The following MAST2 variants were observed in gnomAD, a reference collection of about 807,000 sequenced individuals.
MAST2 encodes microtubule associated serine/threonine kinase 2.
Under a neutral mutation model 147.4 loss-of-function variants are expected in MAST2, and 70 were observed. The observed-to-expected ratio is 0.47, with a 90% confidence interval of 0.39 to 0.58. MAST2 has a LOEUF of 0.58. Ranked by LOEUF, MAST2 falls within the 20% of genes least tolerant of loss-of-function variation. The pLI is 0.00. For missense variants in MAST2, 2,080 were observed against 2,302.3 expected (o/e 0.90, Z 1.98); for synonymous variants, 869 against 896.8 (o/e 0.97, Z 0.55).
chr1:45,820,395 AT>A (rs969257275), intron 1 of MAST2, among the ~76,000 whole-genome samples: 3 of 151,518 alleles, frequency 2.0e-5, no homozygotes, highest in South Asian at 4.2e-4. Flanking sequence ...GTTTTTTAGA[AT>A]TTTTTTTTGG....
At chr1:45,961,986 G>T in intron 5 of MAST2, among the ~76,000 whole-genome samples, 1 of 147,156 alleles carries the variant, frequency 6.8e-6, no homozygotes. Flanking sequence ...TGTTCTCATT[G>T]TTCAGTTCCC....
intron 1 of MAST2, among the ~76,000 whole-genome samples, chr1:45,815,217 TGGAG>T (rs1644416927): frequency 6.6e-6 from 1 of 151,868 alleles, no homozygotes; most frequent in African/African-American, 2.4e-5. Flanking sequence ...TCTCCCAGTC[TGGAG>T]TGCAATGGCG....
At chr1:45,826,345 A>G (rs1357957375) in intron 2 of MAST2, among the ~76,000 whole-genome samples, 1 of 152,014 alleles carries the variant, frequency 6.6e-6, no homozygotes, top group Non-Finnish European at 1.5e-5. Flanking sequence ...AAGAGTTTGC[A>G]GGGCAGATGA....
chr1:45,922,197 T>C (rs1653618768), intron 4 of MAST2, among the ~76,000 whole-genome samples: 1 of 152,126 alleles, frequency 6.6e-6, no homozygotes, highest in East Asian at 1.9e-4. Context: ...TGCATGCTGG[T>C]TGGTCCATGG....
intron 4 of MAST2, 29 bp downstream of exon 4, chr1:45,882,424 T>G: frequency 1.1e-5 from 18 of 1,565,798 alleles, no homozygotes; most frequent in Non-Finnish European, 1.6e-5. Context: ...CCATTATGAT[T>G]ATGATCTCCT....
At chr1:45,945,520 T>C (rs556192229) in intron 4 of MAST2, among the ~76,000 whole-genome samples, 1 of 152,292 alleles carries the variant, frequency 6.6e-6, no homozygotes, top group African/African-American at 2.4e-5. Context: ...GTTCTAATCT[T>C]TTCTGCTATG....
intron 4 of MAST2, among the ~76,000 whole-genome samples, chr1:45,906,325 T>C (rs898552506): frequency 4.6e-5 from 7 of 152,122 alleles, no homozygotes; most frequent in African/African-American, 1.7e-4. Context: ...ACACTTAGGC[T>C]AAAGTGTATG....
chr1:45,954,362 A>C (rs1432829665), intron 4 of MAST2, among the ~76,000 whole-genome samples: 1 of 152,220 alleles, frequency 6.6e-6, no homozygotes, highest in Non-Finnish European at 1.5e-5. Flanking sequence ...ATGTGGTTAC[A>C]ATTCAACATT....
intron 4 of MAST2, among the ~76,000 whole-genome samples, chr1:45,950,068 G>T (rs932184475): frequency 1.3e-5 from 2 of 152,092 alleles, no homozygotes; most frequent in African/African-American, 2.4e-5. Flanking sequence ...GGTCTACTTG[G>T]GGGTGGAGAG....
At chr1:46,019,503 T>G in intron 10 of MAST2, 93 bp from the exon 11 acceptor site, 6 of 954,448 alleles carry the variant, frequency 6.3e-6, no homozygotes, top group Non-Finnish European at 9.9e-6. Flanking sequence ...GCTACCGAAT[T>G]GTTTCTCCCT....
At chr1:45,963,191 A>G (rs957941112) in intron 5 of MAST2, among the ~76,000 whole-genome samples, 5 of 152,102 alleles carry the variant, frequency 3.3e-5, no homozygotes, top group East Asian at 1.9e-4. Context: ...TTGAAGTCAG[A>G]TAGCCTGATG....
chr1:45,986,112 C>T (rs187919493), intron 5 of MAST2, among the ~76,000 whole-genome samples: 39 of 152,282 alleles, frequency 2.6e-4, no homozygotes, highest in Non-Finnish European at 4.4e-4. Flanking sequence ...TTGCCTTGTT[C>T]CTGATCTTAG....
chr1:45,870,924 C>T (rs1646361045), intron 3 of MAST2, among the ~76,000 whole-genome samples: 1 of 151,688 alleles, frequency 6.6e-6, no homozygotes, highest in African/African-American at 2.4e-5. Context: ...AAGACCGTGT[C>T]TCAAAAAAAA....
At chr1:46,022,297 A>T (rs1253306798) in intron 12 of MAST2, among the ~76,000 whole-genome samples, 1 of 152,198 alleles carries the variant, frequency 6.6e-6, no homozygotes, top group Non-Finnish European at 1.5e-5. Flanking sequence ...CCCAACCTGG[A>T]TTGCATTGGC....
intron 1 of MAST2, among the ~76,000 whole-genome samples, chr1:45,806,579 T>C (rs1268299571): frequency 6.6e-6 from 1 of 151,938 alleles, no homozygotes; most frequent in African/African-American, 2.4e-5. Context: ...TTTTAATTTC[T>C]TTTTCTTTTT....
chr1:45,962,647 G>C lies in MAST2; in HGVS notation c.592+3170G>C, dbSNP rs543047630. ...GTTTTTTTCTTGTAAATTTGTTTGAGTTCTTTGTAGATTCTGGATATTAAC... is the reference window on the plus strand; with the variant it reads ...GTTTTTTTCTTGTAAATTTGTTTGACTTCTTTGTAGATTCTGGATATTAAC... On this transcript the variant is annotated intron_variant, in intron 5 of 28. Transcript: ENST00000361297. 1.3e-3 allele frequency among the ~76,000 whole-genome samples: 201 copies of C among 152,204 alleles called. 1 individual carries two copies. The highest frequency in any genetic ancestry group is 3.4e-3 in the Middle Eastern group (1 of 294).
intron 4 of MAST2, among the ~76,000 whole-genome samples, chr1:45,959,100 G>A (rs568676258): frequency 5.3e-5 from 8 of 152,176 alleles, no homozygotes; most frequent in Non-Finnish European, 7.4e-5. Flanking sequence ...GTTTTTGCCC[G>A]TAGGGAGCTC....
chr1:45,835,537 C>T (rs1172766180), intron 3 of MAST2, among the ~76,000 whole-genome samples: 1 of 152,080 alleles, frequency 6.6e-6, no homozygotes, highest in African/African-American at 2.4e-5. Context: ...ATTTTATCAT[C>T]AGTTCTCATG....
chr1:45,851,180 C>T (rs951819781), intron 3 of MAST2, among the ~76,000 whole-genome samples: 7 of 151,998 alleles, frequency 4.6e-5, no homozygotes, highest in African/African-American at 1.2e-4. Flanking sequence ...GATCTTTTAC[C>T]TCCTTGGTTA....
Sources: gnomAD v4.1 joint callset for allele counts (sites outside exome capture counted in the v4.1 genomes callset) on GRCh38, gnomAD v4.1.1 for gene constraint, MANE v1.5 for transcripts, NCBI Gene and HGNC (gene_info 2026-07-23, HGNC 2026-07-21) for gene names.